The following SUGCT variants were observed in gnomAD, a reference collection of about 807,000 sequenced individuals.
SUGCT encodes the protein succinyl-CoA:glutarate CoA-transferase.
Under a neutral mutation model 55.0 loss-of-function variants are expected in SUGCT, and 41 were observed. The ratio of observed to expected loss-of-function variants is 0.74; its 90% CI spans 0.58 to 0.97. The LOEUF is 0.97. Ranked by LOEUF, SUGCT falls within the 50% of genes least tolerant of loss-of-function variation. SUGCT has a pLI of 0.00. For missense variants in SUGCT, 568 were observed against 547.8 expected, an observed-to-expected ratio of 1.04 and a Z score of -0.37; for synonymous variants, 187 against 200.4, an observed-to-expected ratio of 0.93 and a Z score of 0.56.
At chr7:40,622,041 A>C (rs952853326) in intron 12 of SUGCT, among the ~76,000 whole-genome samples, 1 of 152,216 alleles carries the variant, frequency 6.6e-6, no homozygotes, top group Non-Finnish European at 1.5e-5. Flanking sequence ...ACCGTGTATC[A>C]GAATCATCTG....
chr7:40,921,190 G>A, the SUGCT span, among the ~76,000 whole-genome samples: 59 of 152,286 alleles, frequency 3.9e-4, no homozygotes, highest in African/African-American at 1.3e-3. Context: ...ATAGGTGCTT[G>A]TAAGGTGAAA....
chr7:40,843,235 G>A (rs1793366128), intron 13 of SUGCT, among the ~76,000 whole-genome samples: 1 of 152,264 alleles, frequency 6.6e-6, no homozygotes, highest in Middle Eastern at 3.4e-3. Context: ...AGTGAAGCTG[G>A]GCGTGGTGGC....
chr7:40,364,184 CTT>C (rs1441759111), intron 9 of SUGCT, among the ~76,000 whole-genome samples: 1 of 152,012 alleles, frequency 6.6e-6, no homozygotes, highest in Non-Finnish European at 1.5e-5. Flanking sequence ...TTCCTACATC[CTT>C]TTATTTTGAG....
At chr7:41,028,139 G>A in the SUGCT span, among the ~76,000 whole-genome samples, 3 of 152,210 alleles carry the variant, frequency 2.0e-5, no homozygotes, top group Non-Finnish European at 2.9e-5. Context: ...TGCCTCCAGC[G>A]TCTGGTCCCT....
At chr7:40,784,706 A>G (rs1323966672) in intron 13 of SUGCT, among the ~76,000 whole-genome samples, 2 of 152,182 alleles carry the variant, frequency 1.3e-5, no homozygotes, top group Non-Finnish European at 2.9e-5. Flanking sequence ...ACATGATTAT[A>G]GTAGATGCAG....
chr7:40,743,975 G>A (rs1294706880), intron 12 of SUGCT, among the ~76,000 whole-genome samples: 1 of 152,116 alleles, frequency 6.6e-6, no homozygotes, highest in Non-Finnish European at 1.5e-5. Flanking sequence ...AGGCTGGAGT[G>A]CAGTAGCACA....
rs147839464 is a variant in SUGCT, at chr7:40,657,747, G to A, written c.1090-91687G>A. ...GACGGGGTTTCGCCATGTTGGCCACGCTGATCTTGATCTCCTGACCTCGTG... is the reference window on the plus strand; with the variant it reads ...GACGGGGTTTCGCCATGTTGGCCACACTGATCTTGATCTCCTGACCTCGTG... On this transcript the variant is annotated intron_variant, in intron 12 of 13. Transcript: ENST00000335693. 5.0e-3 allele frequency among the ~76,000 whole-genome samples: 768 copies of A among 152,268 alleles called. 6 individuals carry two copies. The highest frequency in any genetic ancestry group is 9.2e-3 in the Non-Finnish European group (625 of 68,034).
At chr7:40,203,379 G>A (rs1296970213) in intron 6 of SUGCT, among the ~76,000 whole-genome samples, 2 of 152,154 alleles carry the variant, frequency 1.3e-5, no homozygotes, top group African/African-American at 4.8e-5. Context: ...ATTCTTTAAA[G>A]CAAATTTTGC....
the SUGCT span, among the ~76,000 whole-genome samples, chr7:40,990,916 A>T: frequency 6.6e-6 from 1 of 152,214 alleles, no homozygotes; most frequent in South Asian, 2.1e-4. Flanking sequence ...GCTTAAATTA[A>T]GGGAATGTTG....
At chr7:40,460,079 A>G (rs1220725249) in intron 11 of SUGCT, among the ~76,000 whole-genome samples, 3 of 152,282 alleles carry the variant, frequency 2.0e-5, no homozygotes, top group Non-Finnish European at 4.4e-5. Context: ...AAGTGTTTCT[A>G]TGTAGTATAC....
intron 12 of SUGCT, among the ~76,000 whole-genome samples, chr7:40,728,037 GT>G (rs1562967034): frequency 6.6e-6 from 1 of 151,884 alleles, no homozygotes; most frequent in South Asian, 2.1e-4. Flanking sequence ...ATGCATAAAG[GT>G]TTTTTTCTTT....
chr7:40,410,982 A>G (rs1786644562), intron 9 of SUGCT, among the ~76,000 whole-genome samples: 1 of 152,138 alleles, frequency 6.6e-6, no homozygotes, highest in Admixed American at 6.5e-5. Flanking sequence ...AAAGGGTTAG[A>G]TTTAGTTAGA....
intron 12 of SUGCT, among the ~76,000 whole-genome samples, chr7:40,711,068 C>T (rs1785687179): frequency 6.6e-6 from 1 of 152,180 alleles, no homozygotes; most frequent in African/African-American, 2.4e-5. Context: ...CAGAGATGAG[C>T]AATCTCAAAT....
At chr7:40,520,904 A>G (rs1793494551) in intron 12 of SUGCT, among the ~76,000 whole-genome samples, 1 of 152,192 alleles carries the variant, frequency 6.6e-6, no homozygotes, top group African/African-American at 2.4e-5. Context: ...TTTATCCTTC[A>G]GATTGTCAGG....
Position 40,746,636 on chromosome 7 carries a change from G to A in SUGCT, c.1090-2798G>A, listed in dbSNP as rs1395220014. Among the ~76,000 whole-genome samples the A allele has an allele frequency of 3.3e-5, 5 of 151,948 alleles. No individual in the cohort carries two copies. In the East Asian group the frequency reaches 7.7e-4, roughly 23 times the overall value. On this transcript the variant is annotated intron_variant, in intron 12 of 13. Coordinates refer to ENST00000335693, the MANE Select transcript of SUGCT (RefSeq NM_001193313.2). ...AAAATATCCTATATAGACAGCAATCGGCATAGGGGTGGAGAAAGTACGCTC... is the reference window on the plus strand; with the variant it reads ...AAAATATCCTATATAGACAGCAATCAGCATAGGGGTGGAGAAAGTACGCTC...
chr7:40,334,072 G>T (rs1796522387), intron 9 of SUGCT, among the ~76,000 whole-genome samples: 2 of 152,058 alleles, frequency 1.3e-5, no homozygotes. Context: ...TCCCTACAAA[G>T]GACATGAACT....
In SUGCT at chr7:40,183,062, C is replaced by T. The variant is rs1002662187; in HGVS notation, c.226+1034C>T. Among the ~76,000 whole-genome samples, 5 of 152,306 alleles carry T rather than the reference C, an allele frequency of 3.3e-5. No individual in the cohort carries two copies. The East Asian group carries it at 5.8e-4, about 18-fold the overall frequency. ...CCAAGGCAGGCGGATCACCTGAATT[C>T]GGCAGTTCGAGACCAGCCTGGCCAA... On this transcript the variant is annotated intron_variant, in intron 3 of 13. Coordinates refer to ENST00000335693, the MANE Select transcript of SUGCT (RefSeq NM_001193313.2).
At position 40,320,845 on chromosome 7, in the gene SUGCT, A is replaced by G. The variant is rs558977473; in HGVS notation, c.816+3990A>G. Among the ~76,000 whole-genome samples the G allele has an allele frequency of 1.8e-3, 267 of 152,320 alleles. 2 individuals carry two copies. Among genetic ancestry groups the G allele is most frequent in the African/African-American group, 6.1e-3 (253 of 41,574 alleles). ...AAGTGCAGGTTTGTTACATGCAAAT[A>G]TTATGTAGTGGTGAAGCCTGGGCTT... On this transcript the variant is annotated intron_variant, in intron 9 of 13. Coordinates refer to ENST00000335693, the MANE Select transcript of SUGCT (RefSeq NM_001193313.2).
chr7:40,251,071 C>T (rs1419696337), intron 7 of SUGCT, among the ~76,000 whole-genome samples: 2 of 151,970 alleles, frequency 1.3e-5, no homozygotes, highest in Non-Finnish European at 2.9e-5. Context: ...CCTTGTGATC[C>T]ATCCACCCCG....
Sources: allele counts gnomAD v4.1 joint callset (sites outside exome capture counted in the v4.1 genomes callset), GRCh38; gene constraint gnomAD v4.1.1; transcripts MANE v1.5; gene names NCBI Gene and HGNC (gene_info 2026-07-23, HGNC 2026-07-21).